PDE4D: variants seen among roughly 807,000 people sequenced by gnomAD.
PDE4D encodes the protein phosphodiesterase 4D.
A neutral mutation model predicts 87.4 loss-of-function variants in PDE4D; 24 were observed. The ratio of observed to expected loss-of-function variants is 0.27; its 90% CI spans 0.20 to 0.39. The LOEUF (loss-of-function observed/expected upper bound fraction) is 0.39. PDE4D is among the 10% of genes least tolerant of loss of function. The pLI, the probability that PDE4D is intolerant of heterozygous loss-of-function variation, is 1.00. For synonymous variants in PDE4D, 384 were observed against 383.2 expected (o/e 1.00, Z -0.02); for missense variants, 714 against 1,041.0 (o/e 0.69, Z 4.32).
intron 1 of PDE4D, among the ~76,000 whole-genome samples, chr5:59,701,726 A>G (rs1231414949): frequency 6.6e-6 from 1 of 152,188 alleles, no homozygotes; most frequent in Non-Finnish European, 1.5e-5. Flanking sequence ...CCAGCAAGAC[A>G]AGAAGGCTGT....
chr5:60,358,961 T>C (rs1215857720), intron 1 of PDE4D, among the ~76,000 whole-genome samples: 1 of 152,192 alleles, frequency 6.6e-6, no homozygotes, highest in East Asian at 1.9e-4. Flanking sequence ...ATTCACTAAT[T>C]AATTCATTTA....
At chr5:59,808,641 C>T (rs1768002141) in intron 1 of PDE4D, among the ~76,000 whole-genome samples, 1 of 151,970 alleles carries the variant, frequency 6.6e-6, no homozygotes, top group Non-Finnish European at 1.5e-5. Context: ...GATAAGTTTC[C>T]ATTATTCTGC....
At chr5:59,985,528 G>T (rs67978369) in intron 3 of PDE4D, among the ~76,000 whole-genome samples, 2 of 151,846 alleles carry the variant, frequency 1.3e-5, no homozygotes, top group Non-Finnish European at 2.9e-5. Flanking sequence ...TATTCAATTC[G>T]CAAATTGTTC....
At chr5:59,197,901 G>A (rs1472161121) in intron 2 of PDE4D, among the ~76,000 whole-genome samples, 2 of 152,154 alleles carry the variant, frequency 1.3e-5, no homozygotes, top group African/African-American at 4.8e-5. Flanking sequence ...GCCTTGCCAC[G>A]TAAAGTGGGG....
intron 2 of PDE4D, among the ~76,000 whole-genome samples, chr5:60,024,493 G>A (rs1446656741): frequency 6.6e-6 from 1 of 152,176 alleles, no homozygotes; most frequent in Admixed American, 6.5e-5. Flanking sequence ...GTCACAAGCA[G>A]TTATGTTTGG....
intron 1 of PDE4D, among the ~76,000 whole-genome samples, chr5:59,604,976 G>C (rs1160680528): frequency 1.3e-5 from 2 of 151,748 alleles, no homozygotes; most frequent in Admixed American, 1.3e-4. Context: ...ATTCATTTTG[G>C]CACTGTTTAT....
intron 1 of PDE4D, among the ~76,000 whole-genome samples, chr5:60,263,461 A>G (rs762841187): frequency 6.6e-6 from 1 of 152,182 alleles, no homozygotes; most frequent in Non-Finnish European, 1.5e-5. Context: ...ACAATTAGTA[A>G]CATCTCTAGA....
chr5:59,936,900 T>A (rs977418), intron 3 of PDE4D, among the ~76,000 whole-genome samples: 10,027 of 152,264 alleles, frequency 0.066, 463 homozygotes, highest in South Asian at 0.12. Flanking sequence ...AGTTCCAAGG[T>A]TGAGGAGAAA....
chr5:60,422,300 T>G (rs927552571), intron 1 of PDE4D, among the ~76,000 whole-genome samples: 4 of 152,128 alleles, frequency 2.6e-5, no homozygotes, highest in Admixed American at 1.3e-4. Flanking sequence ...GAGAGAAAGG[T>G]CGGGTTGTCC....
chr5:59,699,892 A>T (rs1303708882), intron 1 of PDE4D, among the ~76,000 whole-genome samples: 1 of 152,192 alleles, frequency 6.6e-6, no homozygotes, highest in Non-Finnish European at 1.5e-5. Context: ...AGTTAGATCC[A>T]ATTTAGATAG....
chr5:60,047,513 A>G (rs1418738366), intron 2 of PDE4D, among the ~76,000 whole-genome samples: 8 of 151,336 alleles, frequency 5.3e-5, no homozygotes, highest in South Asian at 2.1e-4. Context: ...TTAGTGCTAT[A>G]AATTTCCCTC....
At chr5:59,043,000 A>T (rs961023949) in intron 5 of PDE4D, among the ~76,000 whole-genome samples, 1 of 152,200 alleles carries the variant, frequency 6.6e-6, no homozygotes, top group Non-Finnish European at 1.5e-5. Flanking sequence ...ACTCTTACCC[A>T]CAACTCACAG....
chr5:59,576,256 C>G (rs1583192213), intron 1 of PDE4D, among the ~76,000 whole-genome samples: 1 of 152,056 alleles, frequency 6.6e-6, no homozygotes, highest in Non-Finnish European at 1.5e-5. Flanking sequence ...AGATAAGTGA[C>G]CCAAGGTTGC....
intron 5 of PDE4D, among the ~76,000 whole-genome samples, chr5:59,046,667 C>T (rs967858273): frequency 9.9e-5 from 15 of 152,024 alleles, no homozygotes; most frequent in Non-Finnish European, 1.5e-4. Flanking sequence ...TACAAAATCC[C>T]GACTTGTTTT....
chr5:59,843,820 G>A (rs186830681), intron 1 of PDE4D, among the ~76,000 whole-genome samples: 1,530 of 152,220 alleles, frequency 0.01, 12 homozygotes, highest in Middle Eastern at 0.031. Flanking sequence ...TGACAGACAA[G>A]AGTTCAGCCT....
intron 1 of PDE4D, among the ~76,000 whole-genome samples, chr5:59,370,096 A>G (rs1783716021): frequency 6.6e-6 from 1 of 152,114 alleles, no homozygotes; most frequent in Non-Finnish European, 1.5e-5. Flanking sequence ...CGCCATCTCC[A>G]CTGCCATCAC....
At chr5:59,961,443 G>A (rs1759462648) in intron 3 of PDE4D, among the ~76,000 whole-genome samples, 1 of 152,060 alleles carries the variant, frequency 6.6e-6, no homozygotes, top group Non-Finnish European at 1.5e-5. Context: ...AGCCTCCAGA[G>A]GGAACCAGCC....
intron 1 of PDE4D, among the ~76,000 whole-genome samples, chr5:59,287,105 G>A (rs1006634417): frequency 4.6e-5 from 7 of 152,084 alleles, no homozygotes; most frequent in Admixed American, 1.3e-4. Context: ...GCACCAAAGG[G>A]GTTCTAGGGG....
intron 1 of PDE4D, among the ~76,000 whole-genome samples, chr5:59,459,552 G>C (rs565560200): frequency 6.6e-6 from 1 of 152,088 alleles, no homozygotes; most frequent in East Asian, 1.9e-4. Flanking sequence ...GTCCAGCCAA[G>C]GTTTCACTCT....
Sources: gnomAD v4.1 joint callset for allele counts (sites outside exome capture counted in the v4.1 genomes callset) on GRCh38, gnomAD v4.1.1 for gene constraint, MANE v1.5 for transcripts, NCBI Gene and HGNC (gene_info 2026-07-23, HGNC 2026-07-21) for gene names.